PACRG: variants seen among roughly 807,000 people sequenced by gnomAD.
PACRG encodes the protein parkin coregulated, also known as parkin coregulated gene protein.
A neutral mutation model predicts 29.7 loss-of-function variants in PACRG; 29 were observed. That is an observed-to-expected ratio of 0.98 (90% CI 0.73 to 1.33). The LOEUF (loss-of-function observed/expected upper bound fraction) is 1.33. Among genes scored for constraint, PACRG ranks in the 40% most tolerant of loss-of-function variants. PACRG has a pLI of 0.00. For missense variants in PACRG, 279 were observed against 316.2 expected, an observed-to-expected ratio of 0.88 and a Z score of 0.89; for synonymous variants, 116 against 118.7, an observed-to-expected ratio of 0.98 and a Z score of 0.15.
chr6:162,770,121 A>G (rs1783104321), intron 1 of PACRG, among the ~76,000 whole-genome samples: 1 of 152,138 alleles, frequency 6.6e-6, no homozygotes, highest in South Asian at 2.1e-4. Context: ...GATAGGTCCT[A>G]GAGTAATGCT....
At chr6:163,220,730 T>C (rs1218021371) in intron 4 of PACRG, among the ~76,000 whole-genome samples, 6 of 152,240 alleles carry the variant, frequency 3.9e-5, no homozygotes, top group Admixed American at 1.3e-4. Context: ...ATACTCATGA[T>C]TGCACGTAAA....
intron 4 of PACRG, among the ~76,000 whole-genome samples, chr6:163,153,759 G>T (rs1019023012): frequency 2.6e-5 from 4 of 152,202 alleles, no homozygotes; most frequent in Non-Finnish European, 5.9e-5. Flanking sequence ...GGAAAAAGAT[G>T]AAGAGGTTTT....
intron 2 of PACRG, among the ~76,000 whole-genome samples, chr6:162,825,774 T>C (rs779137060): frequency 1.2e-4 from 19 of 152,152 alleles, no homozygotes; most frequent in Non-Finnish European, 2.4e-4. Context: ...TGCTTTCAGG[T>C]TCGTCTCTGC....
chr6:162,957,860 T>A (rs7756808), intron 2 of PACRG, among the ~76,000 whole-genome samples: 106,185 of 152,002 alleles, frequency 0.7, 37,431 homozygotes, highest in African/African-American at 0.79. Context: ...TAAGCTGGAC[T>A]TAGACTCTCA....
At chr6:162,787,788 G>C (rs1352792093) in intron 1 of PACRG, among the ~76,000 whole-genome samples, 3 of 150,556 alleles carry the variant, frequency 2.0e-5, no homozygotes, top group African/African-American at 7.3e-5. Context: ...ATATTCTGAA[G>C]TTCAAGTGGG....
intron 2 of PACRG, among the ~76,000 whole-genome samples, chr6:162,938,824 A>G (rs926473495): frequency 6.6e-6 from 1 of 151,838 alleles, no homozygotes; most frequent in Non-Finnish European, 1.5e-5. Flanking sequence ...CTATTCATGT[A>G]CTTAGCTCAC....
At chr6:162,867,647 T>C (rs894717427) in intron 2 of PACRG, among the ~76,000 whole-genome samples, 13 of 152,128 alleles carry the variant, frequency 8.5e-5, no homozygotes, top group African/African-American at 3.1e-4. Flanking sequence ...GCAAGAAAAA[T>C]GTATTTCTCC....
chr6:162,816,408 A>G (rs1029279568), intron 2 of PACRG, among the ~76,000 whole-genome samples: 1 of 152,168 alleles, frequency 6.6e-6, no homozygotes, highest in Non-Finnish European at 1.5e-5. Context: ...GCTAGAGCGC[A>G]GTGACACGAT....
chr6:162,837,064 A>G (rs1789289806), intron 2 of PACRG, among the ~76,000 whole-genome samples: 1 of 152,270 alleles, frequency 6.6e-6, no homozygotes, highest in Admixed American at 6.5e-5. Context: ...AGAGATGGAA[A>G]TGTAAATAAT....
intron 2 of PACRG, among the ~76,000 whole-genome samples, chr6:163,017,130 T>C (rs1406128250): frequency 1.1e-4 from 16 of 152,140 alleles, no homozygotes; most frequent in Admixed American, 9.8e-4. Flanking sequence ...GTCCATCACT[T>C]GAATAAACTG....
chr6:162,936,300 ACT>A (rs1169246385), intron 2 of PACRG, among the ~76,000 whole-genome samples: 2 of 152,096 alleles, frequency 1.3e-5, no homozygotes, highest in African/African-American at 4.8e-5. Context: ...ACACAGCGAA[ACT>A]CTATCGAGTG....
At chr6:162,940,596 G>T (rs1008836683) in intron 2 of PACRG, among the ~76,000 whole-genome samples, 3 of 152,150 alleles carry the variant, frequency 2.0e-5, no homozygotes, top group Non-Finnish European at 4.4e-5. Flanking sequence ...AGCAGAAAGG[G>T]ATTTGTTTTT....
At chr6:163,239,150 A>G (rs970022231) in intron 4 of PACRG, among the ~76,000 whole-genome samples, 1 of 152,228 alleles carries the variant, frequency 6.6e-6, no homozygotes, top group Non-Finnish European at 1.5e-5. Flanking sequence ...CATTTATAAA[A>G]TGAGGCTAAT....
At chr6:163,296,689 C>T (rs1784789442) in intron 4 of PACRG, among the ~76,000 whole-genome samples, 3 of 152,172 alleles carry the variant, frequency 2.0e-5, no homozygotes, top group South Asian at 4.1e-4. Context: ...ACACACTACT[C>T]GAGTAATGAC....
intron 4 of PACRG, among the ~76,000 whole-genome samples, chr6:163,114,630 T>C (rs1010962904): frequency 2.0e-5 from 3 of 152,160 alleles, no homozygotes; most frequent in Non-Finnish European, 2.9e-5. Flanking sequence ...ATGATCTCAC[T>C]TATATGATGA....
intron 1 of PACRG, among the ~76,000 whole-genome samples, chr6:162,801,773 T>G (rs1445637889): frequency 6.6e-6 from 1 of 152,172 alleles, no homozygotes; most frequent in Non-Finnish European, 1.5e-5. Context: ...AGTGAATTTT[T>G]GGTTATAAGA....
At chr6:163,157,585 A>G (rs1200481380) in intron 4 of PACRG, among the ~76,000 whole-genome samples, 2 of 152,234 alleles carry the variant, frequency 1.3e-5, no homozygotes, top group African/African-American at 4.8e-5. Flanking sequence ...ATTAGGCTGC[A>G]GAGCTCGTGG....
At chr6:163,092,821 A>G (rs187092033) in intron 4 of PACRG, among the ~76,000 whole-genome samples, 2 of 152,320 alleles carry the variant, frequency 1.3e-5, no homozygotes, top group Non-Finnish European at 2.9e-5. Flanking sequence ...TATACATACA[A>G]TAGTATATAT....
chr6:163,147,882 G>A (rs986908888), intron 4 of PACRG, among the ~76,000 whole-genome samples: 10 of 152,050 alleles, frequency 6.6e-5, no homozygotes, highest in Non-Finnish European at 1.0e-4. Context: ...TTACCAACCA[G>A]AATAGAAATG....
Sources: allele counts gnomAD v4.1 joint callset (sites outside exome capture counted in the v4.1 genomes callset), GRCh38; gene constraint gnomAD v4.1.1; transcripts MANE v1.5; gene names NCBI Gene and HGNC (gene_info 2026-07-23, HGNC 2026-07-21).